The following ANKRD44 variants were observed in gnomAD, a reference collection of about 807,000 sequenced individuals.
The protein encoded by ANKRD44 is serine/threonine-protein phosphatase 6 regulatory ankyrin repeat subunit B.
Under a neutral mutation model 116.0 loss-of-function variants are expected in ANKRD44, and 35 were observed. The observed-to-expected ratio is 0.30, with a 90% CI of 0.23 to 0.40. The LOEUF is 0.40. Ranked by LOEUF, ANKRD44 falls within the 10% of genes least tolerant of loss-of-function variation. The pLI, the probability that ANKRD44 is intolerant of heterozygous loss-of-function variation, is 1.00. For missense variants in ANKRD44, 1,014 were observed against 1,242.6 expected (o/e 0.82, Z 2.77); for synonymous variants, 435 against 461.8 (o/e 0.94, Z 0.74).
At chr2:197,298,994 A>G (rs1288722006) in intron 1 of ANKRD44, among the ~76,000 whole-genome samples, 5 of 152,202 alleles carry the variant, frequency 3.3e-5, no homozygotes, top group Admixed American at 3.3e-4. Flanking sequence ...CTTTTTAAAC[A>G]TAACCACAAT....
chr2:197,174,046 T>C (rs2080304487), intron 2 of ANKRD44, among the ~76,000 whole-genome samples: 1 of 152,036 alleles, frequency 6.6e-6, no homozygotes, highest in African/African-American at 2.4e-5. Context: ...AATAAATAAA[T>C]AAATAAACAA....
chr2:197,014,290 A>C (rs2076348657), intron 17 of ANKRD44, among the ~76,000 whole-genome samples: 1 of 152,214 alleles, frequency 6.6e-6, no homozygotes, highest in African/African-American at 2.4e-5. Flanking sequence ...GATGAGAGCA[A>C]TCAAAGCTGC....
intron 2 of ANKRD44, among the ~76,000 whole-genome samples, chr2:197,157,787 G>C (rs2079859210): frequency 6.6e-6 from 1 of 151,388 alleles, no homozygotes; most frequent in African/African-American, 2.4e-5. Context: ...TAAGGATGTA[G>C]AAAATAAATC....
Position 197,053,871 on chromosome 2 carries a change from C to T in ANKRD44, c.1650+24832G>A, listed in dbSNP as rs190840532. On this transcript the variant is annotated intron_variant, in intron 16 of 27. Coordinates refer to ENST00000282272, the MANE Select transcript of ANKRD44 (RefSeq NM_001195144.2). ...ATACTAATCAAATCAAAATCTCACC[C>T]ATTATTACCTACTTATATAATTGGC... Among the ~76,000 whole-genome samples, 9 of 152,336 alleles carry T rather than the reference C, an allele frequency of 5.9e-5. No homozygotes were observed. The East Asian group carries it at 1.7e-3, about 29-fold the overall frequency.
At chr2:197,215,098 A>G (rs2125708322) in intron 1 of ANKRD44, among the ~76,000 whole-genome samples, 1 of 152,070 alleles carries the variant, frequency 6.6e-6, no homozygotes, top group South Asian at 2.1e-4. Flanking sequence ...CTGGTCTCGA[A>G]CTCCTGGCCT....
At chr2:197,029,569 A>G in intron 16 of ANKRD44, 1 of 471,082 alleles carries the variant, frequency 2.1e-6, no homozygotes, top group Non-Finnish European at 4.2e-6. Context: ...GCCCACCAAG[A>G]GCAAGTTTCA....
At chr2:196,989,743 C>T in intron 27 of ANKRD44, 94 bp from the exon 28 acceptor site, 1 of 1,521,026 alleles carries the variant, frequency 6.6e-7, no homozygotes, top group Non-Finnish European at 8.8e-7. Flanking sequence ...CCCATTTCTA[C>T]TTTCTGCTTT....
At chr2:197,286,549 T>A (rs556430082) in intron 1 of ANKRD44, among the ~76,000 whole-genome samples, 63 of 152,002 alleles carry the variant, frequency 4.1e-4, no homozygotes, top group Middle Eastern at 3.4e-3. Context: ...ATTTTTTTTT[T>A]AATTTTTTGT....
intron 1 of ANKRD44, among the ~76,000 whole-genome samples, chr2:197,197,809 C>CAA (rs199994103): frequency 5.3e-5 from 6 of 114,162 alleles, no homozygotes; most frequent in African/African-American, 2.0e-4. Context: ...AATCCTGTCT[C>CAA]AAAAAAAAAA....
At chr2:197,079,691 C>T (rs976855299) in intron 15 of ANKRD44, among the ~76,000 whole-genome samples, 4 of 152,220 alleles carry the variant, frequency 2.6e-5, no homozygotes, top group South Asian at 4.1e-4. Flanking sequence ...ATGTCTTTTA[C>T]AAGACCAAGC....
chr2:197,104,508 C>T (rs1025431504), intron 9 of ANKRD44, among the ~76,000 whole-genome samples: 5 of 152,182 alleles, frequency 3.3e-5, no homozygotes, highest in African/African-American at 1.2e-4. Context: ...AAAGGCTCTG[C>T]CCATTAGCAT....
intron 8 of ANKRD44, among the ~76,000 whole-genome samples, chr2:197,115,855 G>A (rs1261190064): frequency 1.3e-5 from 2 of 152,124 alleles, no homozygotes; most frequent in East Asian, 3.8e-4. Context: ...AATAACTAAG[G>A]AGGATTCAAA....
At chr2:197,085,494 G>A (rs1024433881) in intron 13 of ANKRD44, among the ~76,000 whole-genome samples, 2 of 152,066 alleles carry the variant, frequency 1.3e-5, no homozygotes, top group African/African-American at 2.4e-5. Flanking sequence ...ACAAGATACC[G>A]GTCATGAAGA....
intron 17 of ANKRD44, among the ~76,000 whole-genome samples, chr2:197,024,000 G>C (rs1200109409): frequency 6.6e-6 from 1 of 152,210 alleles, no homozygotes; most frequent in Non-Finnish European, 1.5e-5. Flanking sequence ...GAGGACGTGT[G>C]AGTGGGTGTC....
chr2:197,143,051 C>G (rs992168861), intron 3 of ANKRD44, among the ~76,000 whole-genome samples: 2 of 150,086 alleles, frequency 1.3e-5, no homozygotes, highest in African/African-American at 4.9e-5. Context: ...GTAGTTATGC[C>G]TCACAAACAC....
chr2:197,183,524 A>T (rs1166533889), intron 2 of ANKRD44, among the ~76,000 whole-genome samples: 1 of 152,130 alleles, frequency 6.6e-6, no homozygotes, highest in African/African-American at 2.4e-5. Context: ...CACTTCTCTT[A>T]AACTACCTAA....
intron 2 of ANKRD44, among the ~76,000 whole-genome samples, chr2:197,154,328 C>T (rs561509475): frequency 6.6e-6 from 1 of 151,654 alleles, no homozygotes; most frequent in Admixed American, 6.6e-5. Context: ...TACAGGCGCC[C>T]GCTACCACGC....
chr2:197,281,198 G>A (rs900992880), intron 1 of ANKRD44, among the ~76,000 whole-genome samples: 1 of 152,170 alleles, frequency 6.6e-6, no homozygotes, highest in African/African-American at 2.4e-5. Flanking sequence ...GAGGGACTTT[G>A]GGAGATGATC....
chr2:197,140,531 C>T (rs1035863051), intron 3 of ANKRD44, among the ~76,000 whole-genome samples: 2 of 152,078 alleles, frequency 1.3e-5, no homozygotes, highest in Admixed American at 1.3e-4. Context: ...ATGTTTCTCA[C>T]GCTGGTCTCA....
Sources: gnomAD v4.1 joint callset for allele counts (sites outside exome capture counted in the v4.1 genomes callset) on GRCh38, gnomAD v4.1.1 for gene constraint, MANE v1.5 for transcripts, NCBI Gene and HGNC (gene_info 2026-07-23, HGNC 2026-07-21) for gene names.